CADPS2: variants seen among roughly 807,000 people sequenced by gnomAD.
CADPS2 encodes calcium-dependent secretion activator 2.
In CADPS2, 93 loss-of-function variants were observed where a neutral mutation model predicts 172.5. The ratio of observed to expected loss-of-function variants is 0.54; its 90% CI spans 0.46 to 0.64. The LOEUF (loss-of-function observed/expected upper bound fraction) is 0.64. CADPS2 is among the 30% of genes least tolerant of loss of function. The probability of loss-of-function intolerance (pLI) is 0.00; values close to 1 mark genes in which losing one functional copy is unlikely to be tolerated. For synonymous variants in CADPS2, 546 were observed against 555.2 expected (o/e 0.98, Z 0.23); for missense variants, 1,420 against 1,565.9 (o/e 0.91, Z 1.57).
chr7:122,525,882 G>A (rs529894824), intron 8 of CADPS2, among the ~76,000 whole-genome samples: 1 of 152,212 alleles, frequency 6.6e-6, no homozygotes, highest in African/African-American at 2.4e-5. Flanking sequence ...GTAACACAAT[G>A]GCAAGTATTT....
intron 6 of CADPS2, among the ~76,000 whole-genome samples, chr7:122,612,806 A>G (rs2074452994): frequency 6.6e-6 from 1 of 152,128 alleles, no homozygotes; most frequent in East Asian, 1.9e-4. Context: ...TGGTAGAGCA[A>G]TGGTAATCCA....
At chr7:122,544,720 C>T (rs1563658011) in intron 8 of CADPS2, among the ~76,000 whole-genome samples, 1 of 152,138 alleles carries the variant, frequency 6.6e-6, no homozygotes, top group Non-Finnish European at 1.5e-5. Context: ...GAAGTATATG[C>T]TTATGTCAAA....
chr7:122,367,864 T>C (rs2041183230), intron 25 of CADPS2, among the ~76,000 whole-genome samples: 1 of 151,752 alleles, frequency 6.6e-6, no homozygotes, highest in Non-Finnish European at 1.5e-5. Flanking sequence ...AGGGGAGAAT[T>C]TGTTTTCTTC....
intron 10 of CADPS2, 31 bp downstream of exon 10, chr7:122,491,281 T>C (rs1284050263): frequency 2.1e-6 from 3 of 1,414,112 alleles, no homozygotes; most frequent in East Asian, 4.6e-5. Context: ...CATACATACA[T>C]GGCAGGAAAA....
At chr7:122,850,792 C>A (rs1423186730) in intron 1 of CADPS2, among the ~76,000 whole-genome samples, 2 of 152,178 alleles carry the variant, frequency 1.3e-5, no homozygotes, top group Non-Finnish European at 2.9e-5. Flanking sequence ...ACACCTTGAT[C>A]AAAATAATGC....
intron 1 of CADPS2, among the ~76,000 whole-genome samples, chr7:122,814,992 T>C (rs1448128388): frequency 2.6e-5 from 4 of 152,040 alleles, no homozygotes; most frequent in Admixed American, 6.6e-5. Context: ...CCAGAACTCT[T>C]GCACAAAGAA....
chr7:122,445,386 T>C (rs2052018944), intron 15 of CADPS2, among the ~76,000 whole-genome samples: 1 of 152,204 alleles, frequency 6.6e-6, no homozygotes, highest in East Asian at 1.9e-4. Flanking sequence ...CAATACTTTA[T>C]ACTATTCAGT....
chr7:122,536,138 G>A (rs1200071745), intron 8 of CADPS2, among the ~76,000 whole-genome samples: 1 of 152,026 alleles, frequency 6.6e-6, no homozygotes, highest in African/African-American at 2.4e-5. Flanking sequence ...AACAATATTA[G>A]ACAAATGATA....
At chr7:122,727,571 T>C (rs749729833) in intron 2 of CADPS2, among the ~76,000 whole-genome samples, 1 of 151,738 alleles carries the variant, frequency 6.6e-6, no homozygotes, top group Non-Finnish European at 1.5e-5. Flanking sequence ...ATTGACACTC[T>C]CAGTTTCACC....
intron 28 of CADPS2, among the ~76,000 whole-genome samples, chr7:122,333,408 G>C (rs146307033): frequency 8.0e-4 from 122 of 152,220 alleles, no homozygotes; most frequent in Non-Finnish European, 1.5e-3. Flanking sequence ...TCCTAAGGAC[G>C]GGAGTAGACA....
intron 1 of CADPS2, among the ~76,000 whole-genome samples, chr7:122,776,596 A>G (rs1471215585): frequency 6.6e-6 from 1 of 152,100 alleles, no homozygotes; most frequent in Non-Finnish European, 1.5e-5. Flanking sequence ...CAAACAAACA[A>G]ACAAAAAACA....
intron 2 of CADPS2, among the ~76,000 whole-genome samples, chr7:122,666,999 A>G (rs961269831): frequency 1.3e-5 from 2 of 151,992 alleles, no homozygotes; most frequent in Non-Finnish European, 2.9e-5. Flanking sequence ...CTCTTTGGGT[A>G]CTCTGCTCCT....
chr7:122,372,650 T>A (rs1321557767), intron 25 of CADPS2, among the ~76,000 whole-genome samples: 2 of 152,226 alleles, frequency 1.3e-5, no homozygotes, highest in African/African-American at 4.8e-5. Context: ...GAAAGAAATA[T>A]CTGGGATACG....
At chr7:122,844,003 C>T (rs541708201) in intron 1 of CADPS2, among the ~76,000 whole-genome samples, 2 of 152,342 alleles carry the variant, frequency 1.3e-5, no homozygotes, top group East Asian at 3.9e-4. Context: ...GAGACAGGAT[C>T]ATAGACGAGT....
At chr7:122,534,613 T>C (rs1192633667) in intron 8 of CADPS2, among the ~76,000 whole-genome samples, 1 of 152,078 alleles carries the variant, frequency 6.6e-6, no homozygotes, top group African/African-American at 2.4e-5. Flanking sequence ...ATTTAGAGTT[T>C]GTAAATTATT....
At chr7:122,821,255 A>T (rs1403628516) in intron 1 of CADPS2, among the ~76,000 whole-genome samples, 2 of 152,148 alleles carry the variant, frequency 1.3e-5, no homozygotes, top group African/African-American at 4.8e-5. Flanking sequence ...CACCAGGCCT[A>T]ATCACCACAC....
intron 2 of CADPS2, among the ~76,000 whole-genome samples, chr7:122,684,902 A>G (rs2083457974): frequency 1.3e-5 from 2 of 152,350 alleles, no homozygotes; most frequent in South Asian, 4.1e-4. Context: ...AATGGAAAAA[A>G]AAGTCTGGAA....
At chr7:122,861,360 T>G (rs1053400747) in intron 1 of CADPS2, among the ~76,000 whole-genome samples, 2 of 152,226 alleles carry the variant, frequency 1.3e-5, no homozygotes, top group South Asian at 4.1e-4. Flanking sequence ...ATTAGTGATA[T>G]TGAGCATTTT....
At chr7:122,454,051 T>G (rs2053460493) in intron 14 of CADPS2, among the ~76,000 whole-genome samples, 3 of 152,222 alleles carry the variant, frequency 2.0e-5, no homozygotes. Context: ...CTTCTATATC[T>G]AAATTATTGG....
Sources: gnomAD v4.1 joint callset for allele counts (sites outside exome capture counted in the v4.1 genomes callset) on GRCh38, gnomAD v4.1.1 for gene constraint, MANE v1.5 for transcripts, NCBI Gene and HGNC (gene_info 2026-07-23, HGNC 2026-07-21) for gene names.